Variants in CYB5A observed in about 807,000 individuals in gnomAD.
CYB5A encodes the protein cytochrome b5 type A, also known as cytochrome b5.
A neutral mutation model predicts 16.2 loss-of-function variants in CYB5A; 10 were observed. The observed-to-expected ratio is 0.62, with a 90% CI of 0.38 to 1.04. The LOEUF (loss-of-function observed/expected upper bound fraction) is 1.04. CYB5A is among the 50% of genes least tolerant of loss of function. The pLI, the probability that CYB5A is intolerant of heterozygous loss-of-function variation, is 0.01. For missense variants in CYB5A, 161 were observed against 165.9 expected, an observed-to-expected ratio of 0.97 and a Z score of 0.16; for synonymous variants, 62 against 57.0, an observed-to-expected ratio of 1.09 and a Z score of -0.40.
chr18:74,256,841 G>A (rs1028830583), intron 3 of CYB5A: 19 of 1,613,708 alleles, frequency 1.2e-5, no homozygotes, highest in African/African-American at 5.3e-5. Flanking sequence ...TTGAAACACC[G>A]CCTTTAAGGT....
At chr18:74,286,965 T>G (rs1372349082) in intron 1 of CYB5A, among the ~76,000 whole-genome samples, 1 of 152,214 alleles carries the variant, frequency 6.6e-6, no homozygotes, top group Non-Finnish European at 1.5e-5. Flanking sequence ...TCTTGGAACC[T>G]CTTTTCAAAA....
intron 4 of CYB5A, among the ~76,000 whole-genome samples, chr18:74,255,369 T>C (rs1981931850): frequency 6.6e-6 from 1 of 152,106 alleles, no homozygotes; most frequent in Admixed American, 6.5e-5. Flanking sequence ...TTTAGGGAAA[T>C]GTAATCACTA....
chr18:74,264,126 G>A (rs541678431), intron 1 of CYB5A, among the ~76,000 whole-genome samples: 2 of 151,306 alleles, frequency 1.3e-5, no homozygotes, highest in East Asian at 2.0e-4. Context: ...CTTGAGAATC[G>A]CTTGAATCCA....
intron 1 of CYB5A, among the ~76,000 whole-genome samples, chr18:74,272,883 C>T (rs1045931404): frequency 3.0e-4 from 46 of 152,282 alleles, no homozygotes; most frequent in African/African-American, 1.1e-3. Flanking sequence ...GATCACGCCA[C>T]TGCACTCCAG....
At chr18:74,287,271 T>A (rs1983357081) in intron 1 of CYB5A, among the ~76,000 whole-genome samples, 1 of 152,216 alleles carries the variant, frequency 6.6e-6, no homozygotes, top group South Asian at 2.1e-4. Context: ...CAGAATACTA[T>A]CAAATTTTCT....
intron 1 of CYB5A, among the ~76,000 whole-genome samples, chr18:74,264,000 C>T (rs11151938): frequency 0.65 from 98,343 of 151,970 alleles, 32,614 homozygotes; most frequent in Middle Eastern, 0.77. Flanking sequence ...CACTTGAGTT[C>T]AGGAGTTCGA....
At position 74,252,323 on chromosome 18, in the gene CYB5A, T is replaced by C. The variant is rs578079119; in HGVS notation, c.*1261A>G. 3 of 152,096 alleles carry C rather than the reference T, an allele frequency of 2.0e-5. No homozygotes were observed. In the South Asian group the frequency reaches 6.2e-4, roughly 31 times the overall value. 9.4% of individuals were successfully genotyped at this position (152,096 alleles called of 1,614,324 possible). On this transcript the variant is annotated 3_prime_UTR_variant, in exon 5 of 5. Transcript: ENST00000340533. ...TTTCCACATTTAAAAGAATAACACA[T>C]AAGGCAGAGAATAATAAATGGGAAG... is the stretch of plus-strand genomic sequence containing the variant.
chr18:74,254,754 T>C (rs1365154461), intron 4 of CYB5A, among the ~76,000 whole-genome samples: 1 of 152,012 alleles, frequency 6.6e-6, no homozygotes, highest in Non-Finnish European at 1.5e-5. Context: ...TCTCCTGACC[T>C]CGTGATCCAC....
At chr18:74,285,681 A>G (rs1983290456) in intron 1 of CYB5A, among the ~76,000 whole-genome samples, 2 of 151,830 alleles carry the variant, frequency 1.3e-5, no homozygotes, top group Admixed American at 1.3e-4. Flanking sequence ...CTGGGCAACA[A>G]GAGACTACAT....
intron 1 of CYB5A, among the ~76,000 whole-genome samples, chr18:74,265,274 A>G (rs960170312): frequency 2.0e-5 from 3 of 152,224 alleles, no homozygotes; most frequent in African/African-American, 4.8e-5. Flanking sequence ...GCACAAAGAA[A>G]AAAATTAAAA....
chr18:74,282,570 A>G (rs1223158499), intron 1 of CYB5A, among the ~76,000 whole-genome samples: 2 of 152,208 alleles, frequency 1.3e-5, no homozygotes, highest in African/African-American at 4.8e-5. Flanking sequence ...AAAAAGCAGC[A>G]TATCACAGCC....
chr18:74,283,094 A>T (rs1983181036), intron 1 of CYB5A, among the ~76,000 whole-genome samples: 1 of 152,210 alleles, frequency 6.6e-6, no homozygotes, highest in African/African-American at 2.4e-5. Context: ...GAGAGGCCAC[A>T]CCAGGGCATC....
chr18:74,284,932 C>T (rs547059328), intron 1 of CYB5A, among the ~76,000 whole-genome samples: 17 of 152,312 alleles, frequency 1.1e-4, no homozygotes, highest in African/African-American at 3.8e-4. Context: ...ACAGCAAGAA[C>T]GGAGCTGTCC....
intron 4 of CYB5A, 76 bp downstream of exon 4, chr18:74,255,665 G>T: frequency 8.3e-7 from 1 of 1,200,480 alleles, no homozygotes; most frequent in Non-Finnish European, 1.2e-6. Context: ...CCCAGAAGGT[G>T]GGGGACGCAC....
intron 1 of CYB5A, among the ~76,000 whole-genome samples, chr18:74,284,232 CCAAAAAA>C (rs957316513): frequency 6.0e-5 from 6 of 100,216 alleles, no homozygotes; most frequent in African/African-American, 2.4e-4. Context: ...AACTCCATCT[CCAAAAAA>C]AAAAAAAAAA....
intron 2 of CYB5A, 107 bp from the exon 3 acceptor site, chr18:74,261,051 AT>A (rs1982180586): frequency 3.5e-6 from 3 of 867,772 alleles, no homozygotes; most frequent in Non-Finnish European, 5.8e-6. Context: ...AGTAATTACC[AT>A]TTCAGATTCA....
intron 2 of CYB5A, 75 bp downstream of exon 2, chr18:74,263,274 C>T: frequency 1.3e-6 from 2 of 1,593,268 alleles, no homozygotes; most frequent in Non-Finnish European, 1.7e-6. Context: ...TGTATACATG[C>T]AAGCTTACAG....
At chr18:74,262,600 G>A (rs1411014912) in intron 2 of CYB5A, among the ~76,000 whole-genome samples, 2 of 152,208 alleles carry the variant, frequency 1.3e-5, no homozygotes, top group Non-Finnish European at 2.9e-5. Flanking sequence ...ACAGAAGGCA[G>A]AGCTTATTCA....
intron 2 of CYB5A, among the ~76,000 whole-genome samples, chr18:74,261,963 C>T (rs764549962): frequency 5.9e-5 from 9 of 152,190 alleles, no homozygotes; most frequent in Non-Finnish European, 1.2e-4. Context: ...GAGCCAGGCA[C>T]TCCCAGAGGT....
Sources: allele counts gnomAD v4.1 joint callset (sites outside exome capture counted in the v4.1 genomes callset), GRCh38; gene constraint gnomAD v4.1.1; transcripts MANE v1.5; gene names NCBI Gene and HGNC (gene_info 2026-07-23, HGNC 2026-07-21).